The following METTL16 variants were observed in gnomAD, a reference collection of about 807,000 sequenced individuals.
The protein encoded by METTL16 is methyltransferase 16, RNA N6-adenosine.
A neutral mutation model predicts 57.9 loss-of-function variants in METTL16; 19 were observed. The ratio of observed to expected loss-of-function variants is 0.33; its 90% CI spans 0.23 to 0.48. METTL16 has a LOEUF of 0.48. Ranked by LOEUF, METTL16 falls within the 20% of genes least tolerant of loss-of-function variation. METTL16 has a pLI of 0.99. For missense variants in METTL16, 434 were observed against 691.5 expected (o/e 0.63, Z 4.18); for synonymous variants, 246 against 255.6 (o/e 0.96, Z 0.36).
At chr17:2,484,302 G>C (rs1469331687) in intron 2 of METTL16, among the ~76,000 whole-genome samples, 2 of 152,234 alleles carry the variant, frequency 1.3e-5, no homozygotes, top group East Asian at 3.9e-4. Flanking sequence ...GCTTGTGCCA[G>C]AATGTAAACA....
chr17:2,498,193 CAAA>C (rs1199819434), intron 2 of METTL16, among the ~76,000 whole-genome samples: 3 of 141,252 alleles, frequency 2.1e-5, no homozygotes. Flanking sequence ...GACTCCATCT[CAAA>C]AAAAAAAGAG....
At chr17:2,423,547 G>T (rs1354260093) in intron 8 of METTL16, among the ~76,000 whole-genome samples, 1 of 152,164 alleles carries the variant, frequency 6.6e-6, no homozygotes, top group Non-Finnish European at 1.5e-5. Flanking sequence ...AAGCCGGTGT[G>T]TGGGAGGATG....
intron 2 of METTL16, among the ~76,000 whole-genome samples, chr17:2,483,919 A>G (rs1449709012): frequency 6.6e-6 from 1 of 152,244 alleles, no homozygotes; most frequent in African/African-American, 2.4e-5. Context: ...ATGCTAAGGC[A>G]TTCAAACACA....
chr17:2,490,926 CATTAA>C, intron 2 of METTL16, among the ~76,000 whole-genome samples: 1 of 152,132 alleles, frequency 6.6e-6, no homozygotes, highest in Non-Finnish European at 1.5e-5. Flanking sequence ...AAGTACAAGA[CATTAA>C]GCTGAGGCTA....
chr17:2,477,981 A>C, intron 2 of METTL16, 96 bp from the exon 3 acceptor site: 1 of 971,622 alleles, frequency 1.0e-6, no homozygotes, highest in Non-Finnish European at 1.6e-6. Context: ...ACCCATCCGA[A>C]CCTCCCAGGG....
intron 8 of METTL16, among the ~76,000 whole-genome samples, chr17:2,428,651 C>G (rs1386319234): frequency 3.1e-5 from 4 of 130,698 alleles, no homozygotes; most frequent in Non-Finnish European, 6.2e-5. Flanking sequence ...AATCTCAGCA[C>G]TTTGGGAGGC....
intron 6 of METTL16, among the ~76,000 whole-genome samples, chr17:2,448,371 G>C (rs2067032419): frequency 2.3e-5 from 1 of 44,046 alleles, no homozygotes; most frequent in Non-Finnish European, 4.1e-5. Flanking sequence ...AAGTAGACAT[G>C]GGAGACTTTT....
chr17:2,419,842 G>A lies in METTL16; in HGVS notation c.*128C>T, dbSNP rs769418038. On this transcript the variant is annotated 3_prime_UTR_variant, in exon 10 of 10. Coordinates refer to ENST00000263092, the MANE Select transcript of METTL16 (RefSeq NM_024086.4). Reference sequence around the variant, plus strand: ...GGGGGAGGTGGGGGACAGATTCATAGGTTTTTGTTTTCGAAGATAATTCCA... The same window carrying A: ...GGGGGAGGTGGGGGACAGATTCATAAGTTTTTGTTTTCGAAGATAATTCCA... 1.3e-4 allele frequency: 147 copies of A among 1,173,696 alleles called. No homozygotes were observed. Among genetic ancestry groups the A allele is most frequent in the Non-Finnish European group, 1.7e-4 (137 of 809,982 alleles). The allele number at this position is 1,173,696 out of a possible 1,614,324, so 72.7% of individuals were successfully genotyped here. A position where few individuals can be genotyped will look rare whatever the true frequency, so the allele number is the denominator to read the frequency against.
intron 3 of METTL16, among the ~76,000 whole-genome samples, chr17:2,474,964 A>C (rs1465651921): frequency 6.6e-6 from 1 of 152,098 alleles, no homozygotes; most frequent in Non-Finnish European, 1.5e-5. Flanking sequence ...ATTAGATCCT[A>C]AAGAGTATTA....
intron 3 of METTL16, chr17:2,475,436 T>C (rs1213942993): frequency 6.6e-6 from 1 of 152,170 alleles, no homozygotes; most frequent in Non-Finnish European, 1.5e-5. Flanking sequence ...CTTTCGACTC[T>C]GTAGGAAAAA....
chr17:2,469,273 C>T (rs2067221928), intron 4 of METTL16, among the ~76,000 whole-genome samples: 1 of 151,858 alleles, frequency 6.6e-6, no homozygotes, highest in East Asian at 1.9e-4. Flanking sequence ...AATAAATAGG[C>T]TCCTAGATTT....
chr17:2,450,046 G>C (rs2067056841), intron 6 of METTL16, among the ~76,000 whole-genome samples: 1 of 152,184 alleles, frequency 6.6e-6, no homozygotes, highest in Non-Finnish European at 1.5e-5. Context: ...GTAAAATGCT[G>C]TATAGTCACT....
chr17:2,494,314 G>A (rs1454622303), intron 2 of METTL16, among the ~76,000 whole-genome samples: 1 of 152,152 alleles, frequency 6.6e-6, no homozygotes, highest in Non-Finnish European at 1.5e-5. Context: ...GAGCCACTGT[G>A]CCCAGTCAAG....
chr17:2,463,975 C>T lies in METTL16; in HGVS notation c.728+233G>A, dbSNP rs574231730. The stretch of plus-strand genomic sequence containing the variant: ...AACCCCCTTGTCTCTACTAGAAATA[C>T]AAAAATTACAGGTGGCAGGTGCCTG... On this transcript the variant is annotated intron_variant, in intron 6 of 9. Coordinates refer to ENST00000263092, the MANE Select transcript of METTL16 (RefSeq NM_024086.4). Among the ~76,000 whole-genome samples, 3 of 151,790 alleles carry T rather than the reference C, an allele frequency of 2.0e-5. No homozygotes were observed. In the East Asian group the frequency reaches 5.9e-4, roughly 30 times the overall value.
intron 1 of METTL16, among the ~76,000 whole-genome samples, chr17:2,505,361 T>C (rs1765123188): frequency 6.7e-6 from 1 of 149,414 alleles, no homozygotes; most frequent in Non-Finnish European, 1.5e-5. Flanking sequence ...ATCCACTCTT[T>C]TTCCCTGTCC....
intron 6 of METTL16, among the ~76,000 whole-genome samples, chr17:2,450,473 G>C (rs1047497232): frequency 2.0e-5 from 3 of 152,144 alleles, no homozygotes; most frequent in Non-Finnish European, 2.9e-5. Flanking sequence ...GAGGGGAACA[G>C]GAAACTTTTC....
intron 6 of METTL16, among the ~76,000 whole-genome samples, chr17:2,463,013 T>C (rs765004022): frequency 3.3e-5 from 5 of 152,172 alleles, no homozygotes; most frequent in Non-Finnish European, 7.3e-5. Flanking sequence ...AATAGCTCTT[T>C]TTGAGTACCT....
In METTL16 at chr17:2,492,194, G is replaced by T. The variant is rs978446787; in HGVS notation, c.128+10010C>A. ...CCACTGCACTCCAGCCTGGGCGACA[G>T]AGCAAGACTCCGTCTCAAAAATAAA... is the stretch of plus-strand genomic sequence containing the variant. On this transcript the variant is annotated intron_variant, in intron 2 of 9. Coordinates refer to ENST00000263092, the MANE Select transcript of METTL16 (RefSeq NM_024086.4). Among the ~76,000 whole-genome samples the T allele has an allele frequency of 2.6e-5, 4 of 152,154 alleles. No homozygotes were observed. The East Asian group carries it at 7.7e-4, about 29-fold the overall frequency.
At chr17:2,441,401 T>G in intron 7 of METTL16, 89 bp downstream of exon 7, 1 of 875,490 alleles carries the variant, frequency 1.1e-6, no homozygotes, top group Non-Finnish European at 1.7e-6. Context: ...TTCACCACAA[T>G]GCAATATATC....
Sources: allele counts gnomAD v4.1 joint callset (sites outside exome capture counted in the v4.1 genomes callset), GRCh38; gene constraint gnomAD v4.1.1; transcripts MANE v1.5; gene names NCBI Gene and HGNC (gene_info 2026-07-23, HGNC 2026-07-21).